ANXA2: variants seen among roughly 807,000 people sequenced by gnomAD.
The protein encoded by ANXA2 is annexin A2.
A neutral mutation model predicts 47.3 loss-of-function variants in ANXA2; 28 were observed. That is an observed-to-expected ratio of 0.59 (90% CI 0.44 to 0.81). The LOEUF is 0.81. Ranked by LOEUF, ANXA2 falls within the 40% of genes least tolerant of loss-of-function variation. The probability of loss-of-function intolerance (pLI) is 0.00; values close to 1 mark genes in which losing one functional copy is unlikely to be tolerated. For missense variants in ANXA2, 384 were observed against 414.3 expected, an observed-to-expected ratio of 0.93 and a Z score of 0.64; for synonymous variants, 172 against 155.5, an observed-to-expected ratio of 1.11 and a Z score of -0.79.
chr15:60,393,792 G>T (rs992944675), intron 1 of ANXA2, among the ~76,000 whole-genome samples: 3 of 152,064 alleles, frequency 2.0e-5, no homozygotes, highest in Non-Finnish European at 4.4e-5. Context: ...CCGCCCACAG[G>T]GTTTCCAACT....
rs1332617558 is a variant in ANXA2 at position 60,354,172 on chromosome 15, C to A, written c.570G>T (p.Leu190=). ...AEDGSVIDYE[L]IDQDARDLYD... is the part of the protein sequence containing the mutation. ...CACTTACCCGAGCATCTTGGTCAATCAGTTCATAATCAATGACAGAGCCAT... is the reference window on the plus strand; with the variant it reads ...CACTTACCCGAGCATCTTGGTCAATAAGTTCATAATCAATGACAGAGCCAT... Residue 190 remains leucine, a synonymous_variant, in exon 8 of 13, where the codon CTG becomes CTT. Coordinates refer to ENST00000451270, the MANE Select transcript of ANXA2 (RefSeq NM_004039.3). The A allele has an allele frequency of 1.2e-6, 2 of 1,613,774 alleles. No individual in the cohort carries two copies. The highest frequency in any genetic ancestry group is 1.7e-6 in the Non-Finnish European group (2 of 1,179,862).
intron 3 of ANXA2, among the ~76,000 whole-genome samples, chr15:60,364,854 C>T (rs1041971457): frequency 6.6e-6 from 1 of 151,594 alleles, no homozygotes; most frequent in Admixed American, 6.6e-5. Context: ...GATGGAACAA[C>T]AGAGATTTAG....
At chr15:60,356,105 CA>C in intron 6 of ANXA2, 107 bp from the exon 7 acceptor site, 2 of 790,096 alleles carry the variant, frequency 2.5e-6, no homozygotes, top group Non-Finnish European at 4.3e-6. Flanking sequence ...ACAGCTACGT[CA>C]GCTGGACATA....
intron 5 of ANXA2, among the ~76,000 whole-genome samples, chr15:60,357,663 G>A (rs2062453312): frequency 6.6e-6 from 1 of 151,992 alleles, no homozygotes; most frequent in South Asian, 2.1e-4. Flanking sequence ...CATGGTAGCG[G>A]GCGCCTGTAG....
rs776029697 is a variant in ANXA2 at position 60,354,242 on chromosome 15, T to C, written c.529-29A>G. On this transcript the variant is annotated intron_variant, in intron 7 of 12. Transcript: ENST00000451270. ...TGGGGGAAAGAAAAAGAACTTCAAA[T>C]ACATTTCTTTGTGTATTTTAAAACT... 3.2e-6 allele frequency: 5 copies of C among 1,560,314 alleles called. No individual in the cohort carries two copies. The South Asian group carries it at 4.5e-5, about 14-fold the overall frequency.
intron 1 of ANXA2, chr15:60,397,414 C>G: frequency 2.8e-6 from 2 of 712,796 alleles, no homozygotes; most frequent in South Asian, 6.4e-5. Context: ...CACACTCCCC[C>G]CTCTCGTCTT....
At chr15:60,379,044 G>T (rs2062818787) in intron 3 of ANXA2, among the ~76,000 whole-genome samples, 1 of 151,708 alleles carries the variant, frequency 6.6e-6, no homozygotes, top group Admixed American at 6.6e-5. Flanking sequence ...ACTTTGGGAG[G>T]CCAAAGCGGG....
intron 3 of ANXA2, among the ~76,000 whole-genome samples, chr15:60,368,320 ATAAAAT>A (rs1306668565): frequency 4.6e-4 from 41 of 89,482 alleles, no homozygotes; most frequent in Non-Finnish European, 6.8e-4. Flanking sequence ...AAAAAAAAAA[ATAAAAT>A]AAAATAAAAT....
At chr15:60,359,919 A>G (rs150198702) in intron 5 of ANXA2, among the ~76,000 whole-genome samples, 31 of 152,358 alleles carry the variant, frequency 2.0e-4, no homozygotes, top group Non-Finnish European at 3.8e-4. Context: ...AATGTGTTGC[A>G]GTACAACATA....
chr15:60,393,981 G>A (rs913738712), intron 1 of ANXA2, among the ~76,000 whole-genome samples: 4 of 151,910 alleles, frequency 2.6e-5, no homozygotes, highest in South Asian at 4.2e-4. Flanking sequence ...TGGACATTTC[G>A]AATGCAGTTC....
chr15:60,349,093 G>T lies in ANXA2; in HGVS notation c.942C>A (p.Ser314=). 6.2e-7 allele frequency: 1 copy of T among 1,614,030 alleles called. No homozygotes were observed. Residue 314 remains serine, a synonymous_variant, in exon 12 of 13, where the codon TCC becomes TCA. Coordinates refer to ENST00000451270, the MANE Select transcript of ANXA2 (RefSeq NM_004039.3). ...GGCTTACCTGGATATAATAGTACAG[G>T]GACTTGCCGTACTTTCTCTTGAATT... ...RSEFKRKYGK[S]LYYYIQQDTK...
chr15:60,360,236 A>G (rs1014628901), intron 5 of ANXA2, among the ~76,000 whole-genome samples: 1 of 152,214 alleles, frequency 6.6e-6, no homozygotes, highest in African/African-American at 2.4e-5. Context: ...AGCCTGGGCA[A>G]CAAGAGCGAA....
intron 3 of ANXA2, among the ~76,000 whole-genome samples, chr15:60,366,972 T>TG (rs1307066305): frequency 1.0e-4 from 3 of 29,218 alleles, no homozygotes; most frequent in African/African-American, 1.7e-4. Context: ...GGGAGGGAGG[T>TG]GGGGGGGTCA....
At chr15:60,348,569 CCT>C (rs1895835790) in intron 12 of ANXA2, among the ~76,000 whole-genome samples, 1 of 151,884 alleles carries the variant, frequency 6.6e-6, no homozygotes, top group Non-Finnish European at 1.5e-5. Flanking sequence ...ACGGTGAAAC[CCT>C]GTCTCTACTA....
At position 60,364,345 on chromosome 15, in the gene ANXA2, C is replaced by G. The variant is rs1030417736; in HGVS notation, c.243+84G>C. ...CCCACAAGTCTTTTGCGCATGAGAG[C>G]CACAATTCATGAAAAGAAAAAGCAA... On this transcript the variant is annotated intron_variant, in intron 4 of 12. Transcript: ENST00000451270. 3 of 1,089,478 alleles carry G rather than the reference C, an allele frequency of 2.8e-6. No individual in the cohort carries two copies. In the African/African-American group the frequency reaches 4.7e-5, roughly 17 times the overall value. 67.5% of individuals were successfully genotyped at this position (1,089,478 alleles called of 1,614,324 possible).
At chr15:60,363,865 T>G (rs1024117181) in intron 4 of ANXA2, among the ~76,000 whole-genome samples, 2 of 152,166 alleles carry the variant, frequency 1.3e-5, no homozygotes, top group African/African-American at 4.8e-5. Context: ...ATTAGAAACA[T>G]CTTATCAAGA....
chr15:60,351,135 AC>A, intron 11 of ANXA2, 57 bp downstream of exon 11: 1 of 1,574,884 alleles, frequency 6.3e-7, no homozygotes, highest in African/African-American at 1.3e-5. Context: ...TCAATTTGGG[AC>A]CCAAAAGAAG....
chr15:60,373,275 A>G (rs1330486394), intron 3 of ANXA2, among the ~76,000 whole-genome samples: 1 of 152,204 alleles, frequency 6.6e-6, no homozygotes, highest in Non-Finnish European at 1.5e-5. Flanking sequence ...CATGGCCACT[A>G]AAGGGATAAC....
At position 60,352,616 on chromosome 15, in the gene ANXA2, A is replaced by T. The variant is rs887141973; in HGVS notation, c.589-140T>A. On this transcript the variant is annotated intron_variant, in intron 8 of 12. Transcript: ENST00000451270. The surrounding 1 kb of genome is among the most constrained non-coding windows in gnomAD (Gnocchi z 4.2). The stretch of plus-strand genomic sequence containing the variant: ...ATGATTATACTGCAGACATGGGCAG[A>T]GACCTACTATTTAGGTCAAAAGTCT... The T allele has an allele frequency of 5.3e-5, 35 of 660,266 alleles. No individual in the cohort carries two copies. The highest frequency in any genetic ancestry group is 4.4e-4 in the Admixed American group (17 of 38,222). The allele number at this position is 660,266 out of a possible 1,614,324, so 40.9% of individuals were successfully genotyped here.
Sources: gnomAD v4.1 joint callset for allele counts (sites outside exome capture counted in the v4.1 genomes callset) on GRCh38, gnomAD v4.1.1 for gene constraint, Gnocchi (gnomAD v3.1) non-coding constraint, MANE v1.5 for transcripts, NCBI Gene and HGNC (gene_info 2026-07-23, HGNC 2026-07-21) for gene names.